Variants in PSMF1 observed in about 807,000 individuals in gnomAD.
The protein encoded by PSMF1 is proteasome inhibitor PI31 subunit.
PSMF1 carries 30 observed loss-of-function variants against 29.3 expected under a neutral mutation model. The observed-to-expected ratio is 1.02, with a 90% CI of 0.77 to 1.39. The LOEUF is 1.39. Ranked by LOEUF, PSMF1 falls within the 40% of genes most tolerant of loss-of-function variation. PSMF1 has a pLI of 0.00. For synonymous variants in PSMF1, 134 were observed against 139.7 expected (o/e 0.96, Z 0.29); for missense variants, 344 against 357.5 (o/e 0.96, Z 0.31).
intron 1 of PSMF1, among the ~76,000 whole-genome samples, chr20:1,119,637 C>A (rs1461537702): frequency 6.6e-6 from 1 of 152,188 alleles, no homozygotes; most frequent in African/African-American, 2.4e-5. Flanking sequence ...CCACCTCTTA[C>A]AGCTAGGGAC....
At chr20:1,124,154 T>C (rs2086124518) in intron 1 of PSMF1, among the ~76,000 whole-genome samples, 1 of 152,250 alleles carries the variant, frequency 6.6e-6, no homozygotes, top group South Asian at 2.1e-4. Flanking sequence ...AAGCTTTCAA[T>C]TATGAACAGT....
chr20:1,170,085 G>A lies in PSMF1; in HGVS notation c.*5005G>A, dbSNP rs1266818633. On this transcript the variant is annotated 3_prime_UTR_variant, in exon 7 of 7. Coordinates refer to ENST00000335877, the MANE Select transcript of PSMF1 (RefSeq NM_006814.5). ...TTCCTTTTGTGAGTCCTATGATCATGCAAGTTTGAGAACTGAGAAGGGAGG... is the reference window on the plus strand; with the variant it reads ...TTCCTTTTGTGAGTCCTATGATCATACAAGTTTGAGAACTGAGAAGGGAGG... 6.6e-6 allele frequency among the ~76,000 whole-genome samples: 1 copy of A among 152,172 alleles called. No individual in the cohort carries two copies. The highest frequency in any genetic ancestry group is 1.5e-5 in the Non-Finnish European group (1 of 68,038).
At position 1,170,341 on chromosome 20, in the gene PSMF1, G is replaced by A. The variant is rs2086777841; in HGVS notation, c.*5261G>A. On this transcript the variant is annotated 3_prime_UTR_variant, in exon 7 of 7. Transcript: ENST00000335877. Reference sequence around the variant, plus strand: ...AAGAATTGAGCCAGTCAGTCCTCTTGGTTAATGGCACATTATGATTAATGC... The same window carrying A: ...AAGAATTGAGCCAGTCAGTCCTCTTAGTTAATGGCACATTATGATTAATGC... Among the ~76,000 whole-genome samples the A allele has an allele frequency of 6.6e-6, 1 of 152,074 alleles. No homozygotes were observed. The highest frequency in any genetic ancestry group is 1.5e-5 in the Non-Finnish European group (1 of 68,000).
At position 1,168,990 on chromosome 20, in the gene PSMF1, C is replaced by T. The variant is rs981398320; in HGVS notation, c.*3910C>T. Among the ~76,000 whole-genome samples, 5 of 152,258 alleles carry T rather than the reference C, an allele frequency of 3.3e-5. 1 individual carries two copies. Among genetic ancestry groups the T allele is most frequent in the Non-Finnish European group, 1.5e-5 (1 of 68,022 alleles). ...CATCCAAGTCCCCAGCCCTTTATTGCCCTTGGGATACCACAAGGCACAGAT... is the reference window on the plus strand; with the variant it reads ...CATCCAAGTCCCCAGCCCTTTATTGTCCTTGGGATACCACAAGGCACAGAT... On this transcript the variant is annotated 3_prime_UTR_variant, in exon 7 of 7. Transcript: ENST00000335877.
intron 1 of PSMF1, among the ~76,000 whole-genome samples, chr20:1,119,958 A>AT (rs1203314085): frequency 2.0e-5 from 3 of 148,054 alleles, no homozygotes; most frequent in Admixed American, 6.7e-5. Context: ...TCCTCTAATC[A>AT]TTTTTTTTAG....
intron 4 of PSMF1, among the ~76,000 whole-genome samples, chr20:1,159,904 T>C (rs1331230228): frequency 6.6e-6 from 1 of 152,198 alleles, no homozygotes; most frequent in Non-Finnish European, 1.5e-5. Context: ...AATTAATGGC[T>C]TCTTACCTGT....
chr20:1,140,080 TC>T (rs1041710053), intron 4 of PSMF1, among the ~76,000 whole-genome samples: 3 of 151,918 alleles, frequency 2.0e-5, no homozygotes, highest in Admixed American at 1.3e-4. Context: ...TTTGGGTTTT[TC>T]CCCCCCAGAA....
chr20:1,114,022 C>G (rs896504081), upstream of PSMF1, among the ~76,000 whole-genome samples: 1 of 152,164 alleles, frequency 6.6e-6, no homozygotes, highest in Admixed American at 6.5e-5. Context: ...CATGGCTTAC[C>G]CCCGGTCAGG....
At chr20:1,161,903 G>C (rs1207091743) in intron 4 of PSMF1, among the ~76,000 whole-genome samples, 1 of 152,136 alleles carries the variant, frequency 6.6e-6, no homozygotes, top group Non-Finnish European at 1.5e-5. Context: ...CAAGTTAACT[G>C]TTCTCTTGGT....
At chr20:1,161,759 C>A in intron 4 of PSMF1, 1 of 459,326 alleles carries the variant, frequency 2.2e-6, no homozygotes. Context: ...ATAAATTTGC[C>A]CCTGACAAAT....
intron 3 of PSMF1, among the ~76,000 whole-genome samples, chr20:1,133,575 T>TATATATATATATATATATATACACA (rs1568469100): frequency 1.1e-4 from 2 of 17,914 alleles, no homozygotes; most frequent in African/African-American, 2.6e-4. Flanking sequence ...ATATATTTTT[T>TATATATATATATATATATATACACA]TTTTTTTTTT....
intron 1 of PSMF1, among the ~76,000 whole-genome samples, chr20:1,122,747 GGTCTGT>G (rs1179735805): frequency 6.6e-6 from 1 of 152,110 alleles, no homozygotes; most frequent in Non-Finnish European, 1.5e-5. Context: ...ATATCGCCAG[GGTCTGT>G]CCTCTGTTTA....
intron 1 of PSMF1, 87 bp from the exon 2 acceptor site, chr20:1,125,411 G>A: frequency 7.4e-7 from 1 of 1,358,312 alleles, no homozygotes; most frequent in Non-Finnish European, 9.9e-7. Context: ...GAAGTGAGGT[G>A]GGTAAGATTA....
rs781367296 is a variant in PSMF1 at position 1,165,043 on chromosome 20, A to G, written c.779A>G (p.His260Arg). 1.9e-6 allele frequency: 3 copies of G among 1,613,866 alleles called. No homozygotes were observed. The highest frequency in any genetic ancestry group is 1.7e-6 in the Non-Finnish European group (2 of 1,179,956). ...TTCCATTCCAGACCTAACCCAGACC[A>G]TCTCCCCCCGCCGGGCTACGATGAC... The part of the protein sequence containing the change: ...GTSPPGPNPD[H>R]LPPPGYDDMY... The change falls in exon 7 of 7, where the codon CAT (histidine) becomes CGT (arginine). Residue 260 changes from histidine to arginine, a missense_variant. Coordinates refer to ENST00000335877, the MANE Select transcript of PSMF1 (RefSeq NM_006814.5).
At chr20:1,138,438 G>A (rs1568471565) in intron 4 of PSMF1, among the ~76,000 whole-genome samples, 1 of 150,630 alleles carries the variant, frequency 6.6e-6, no homozygotes, top group Non-Finnish European at 1.5e-5. Flanking sequence ...CACAGGAATC[G>A]CTTGAACCCG....
At chr20:1,137,421 T>C (rs1471717541) in intron 4 of PSMF1, among the ~76,000 whole-genome samples, 2 of 152,190 alleles carry the variant, frequency 1.3e-5, no homozygotes, top group Non-Finnish European at 2.9e-5. Flanking sequence ...AAAAGTGGGA[T>C]AGCCAGATAC....
chr20:1,115,453 C>T (rs1386132832), upstream of PSMF1, among the ~76,000 whole-genome samples: 1 of 152,208 alleles, frequency 6.6e-6, no homozygotes, highest in Non-Finnish European at 1.5e-5. Flanking sequence ...AAAGGCCAGT[C>T]CACTTTTTAC....
intron 4 of PSMF1, among the ~76,000 whole-genome samples, chr20:1,145,100 G>T (rs1470914593): frequency 6.6e-6 from 1 of 152,166 alleles, no homozygotes; most frequent in Non-Finnish European, 1.5e-5. Flanking sequence ...CGGGCAGGCT[G>T]GTCTCAAAAT....
intron 4 of PSMF1, chr20:1,161,591 A>G: frequency 1.5e-6 from 1 of 649,604 alleles, no homozygotes. Context: ...CTCCGTGTGG[A>G]TCAGCAGCTC....
Sources: gnomAD v4.1 joint callset for allele counts (sites outside exome capture counted in the v4.1 genomes callset) on GRCh38, gnomAD v4.1.1 for gene constraint, MANE v1.5 for transcripts, NCBI Gene and HGNC (gene_info 2026-07-23, HGNC 2026-07-21) for gene names.